The following ROR1 variants were observed in gnomAD, a reference collection of about 807,000 sequenced individuals.
ROR1 encodes inactive tyrosine-protein kinase transmembrane receptor ROR1.
ROR1 carries 19 observed loss-of-function variants against 78.8 expected under a neutral mutation model. The ratio of observed to expected loss-of-function variants is 0.24; its 90% CI spans 0.17 to 0.35. The LOEUF (loss-of-function observed/expected upper bound fraction) is 0.35. Ranked by LOEUF, ROR1 falls within the 10% of genes least tolerant of loss-of-function variation. ROR1 has a pLI of 1.00. For synonymous variants in ROR1, 386 were observed against 433.6 expected, an observed-to-expected ratio of 0.89 and a Z score of 1.36; for missense variants, 917 against 1,177.8, an observed-to-expected ratio of 0.78 and a Z score of 3.24.
intron 4 of ROR1, among the ~76,000 whole-genome samples, chr1:64,099,161 C>A (rs1311974016): frequency 6.6e-6 from 1 of 152,106 alleles, no homozygotes; most frequent in Non-Finnish European, 1.5e-5. Flanking sequence ...GGAGCCATAT[C>A]CTGCTCACAG....
intron 1 of ROR1, among the ~76,000 whole-genome samples, chr1:63,890,568 G>C (rs1485270960): frequency 3.9e-5 from 6 of 151,916 alleles, no homozygotes; most frequent in African/African-American, 7.3e-5. Flanking sequence ...AGTCATGCAG[G>C]AAAGAGTAAT....
chr1:64,178,820 G>A lies in ROR1; in HGVS notation c.2779G>A (p.Gly927Arg). 1 of 1,613,866 alleles carries A rather than the reference G, an allele frequency of 6.2e-7. No homozygotes were observed. Among genetic ancestry groups the A allele is most frequent in the Non-Finnish European group, 8.5e-7 (1 of 1,179,902 alleles). The change falls in exon 9 of 9, where the codon GGA (glycine) becomes AGA (arginine). Residue 927 changes from glycine to arginine, a missense_variant. Gly to Arg is a moderately radical substitution (Grantham distance 125). Transcript: ENST00000371079. The surrounding 1 kb of genome is among the most constrained non-coding windows in gnomAD (Gnocchi z 4.3). Reference protein sequence around the residue: ...ASLLGDANIHGHTESMISAEL With the variant: ...ASLLGDANIHRHTESMISAEL Reference sequence around the variant, plus strand: ...TTTACTAGGAGACGCCAATATTCATGGACACACCGAATCTATGATTTCTGC... The same window carrying A: ...TTTACTAGGAGACGCCAATATTCATAGACACACCGAATCTATGATTTCTGC...
chr1:63,983,825 G>A (rs1015551494), intron 1 of ROR1, among the ~76,000 whole-genome samples: 1 of 152,142 alleles, frequency 6.6e-6, no homozygotes, highest in Non-Finnish European at 1.5e-5. Flanking sequence ...GAATGATTTT[G>A]AGATAAGGTA....
At chr1:64,167,202 C>T (rs4423051) in intron 8 of ROR1, among the ~76,000 whole-genome samples, 36,899 of 151,986 alleles carry the variant, frequency 0.24, 4,953 homozygotes, top group Non-Finnish European at 0.31. Flanking sequence ...GTTATGAGCA[C>T]GTGATGGCTC....
chr1:63,989,873 C>T (rs1277649186), intron 1 of ROR1, among the ~76,000 whole-genome samples: 1 of 152,236 alleles, frequency 6.6e-6, no homozygotes, highest in Non-Finnish European at 1.5e-5. Context: ...GTCTCTCAAT[C>T]AGTTCAACAC....
chr1:64,114,961 T>C (rs1557659232), intron 4 of ROR1, among the ~76,000 whole-genome samples: 1 of 152,150 alleles, frequency 6.6e-6, no homozygotes, highest in African/African-American at 2.4e-5. Context: ...AAAAATAAGA[T>C]GGTTGTTTGT....
chr1:64,166,983 TG>T (rs546975248), intron 8 of ROR1, among the ~76,000 whole-genome samples: 3 of 152,252 alleles, frequency 2.0e-5, no homozygotes, highest in Non-Finnish European at 4.4e-5. Flanking sequence ...ATAGAATCTT[TG>T]TAATAACCCT....
chr1:63,874,242 T>G (rs1645269393), intron 1 of ROR1, among the ~76,000 whole-genome samples: 1 of 152,216 alleles, frequency 6.6e-6, no homozygotes, highest in African/African-American at 2.4e-5. Context: ...TTGGCATATT[T>G]TCAAAGTGTG....
chr1:64,055,532 A>G (rs1646866791), intron 4 of ROR1, among the ~76,000 whole-genome samples: 1 of 152,234 alleles, frequency 6.6e-6, no homozygotes, highest in Non-Finnish European at 1.5e-5. Context: ...GGGCCAGAAC[A>G]GTGCTGGTCA....
intron 4 of ROR1, among the ~76,000 whole-genome samples, chr1:64,051,353 G>T (rs1217641432): frequency 6.6e-6 from 1 of 151,912 alleles, no homozygotes; most frequent in Non-Finnish European, 1.5e-5. Flanking sequence ...GGGAGGCTGA[G>T]GCAGGAGAAT....
chr1:63,843,339 T>C, intron 1 of ROR1: 1 of 1,032,040 alleles, frequency 9.7e-7, no homozygotes, highest in East Asian at 2.5e-5. Flanking sequence ...GGAGCTGGCA[T>C]AGATCATTTT....
chr1:63,887,516 G>T (rs1645365277), intron 1 of ROR1, among the ~76,000 whole-genome samples: 1 of 152,096 alleles, frequency 6.6e-6, no homozygotes, highest in African/African-American at 2.4e-5. Flanking sequence ...ATTTCAGAAA[G>T]TTCCCTTGTG....
chr1:64,032,069 G>C (rs926301707), intron 2 of ROR1, among the ~76,000 whole-genome samples: 1 of 151,976 alleles, frequency 6.6e-6, no homozygotes, highest in Admixed American at 6.6e-5. Flanking sequence ...ATGGCCGGGC[G>C]CGGTGGCTCA....
At chr1:64,101,367 C>G (rs1324361) in intron 4 of ROR1, among the ~76,000 whole-genome samples, 57,709 of 151,914 alleles carry the variant, frequency 0.38, 12,599 homozygotes, top group Non-Finnish European at 0.51. Flanking sequence ...TTGATAAACA[C>G]TAAGTAATAA....
intron 1 of ROR1, among the ~76,000 whole-genome samples, chr1:63,941,002 A>G (rs1645834585): frequency 6.6e-6 from 1 of 152,212 alleles, no homozygotes; most frequent in Non-Finnish European, 1.5e-5. Context: ...TGAGTGAAGA[A>G]CATTCCACAT....
At chr1:64,156,755 C>T (rs1441109843) in intron 7 of ROR1, among the ~76,000 whole-genome samples, 1 of 149,328 alleles carries the variant, frequency 6.7e-6, no homozygotes, top group Non-Finnish European at 1.5e-5. Context: ...TCACATTTGG[C>T]AAAACTTCAG....
intron 4 of ROR1, among the ~76,000 whole-genome samples, chr1:64,114,560 T>C (rs1648241982): frequency 6.6e-6 from 1 of 152,110 alleles, no homozygotes; most frequent in African/African-American, 2.4e-5. Context: ...GAGACATGCT[T>C]AAGCATTTTT....
At chr1:63,891,670 T>C (rs776498405) in intron 1 of ROR1, among the ~76,000 whole-genome samples, 2 of 152,138 alleles carry the variant, frequency 1.3e-5, no homozygotes, top group Non-Finnish European at 2.9e-5. Context: ...GTATGCATCA[T>C]CCAATCTGCA....
intron 7 of ROR1, among the ~76,000 whole-genome samples, chr1:64,147,320 GTTAAA>G (rs569426250): frequency 1.9e-4 from 29 of 152,288 alleles, no homozygotes; most frequent in African/African-American, 7.0e-4. Context: ...TTAGATGAAA[GTTAAA>G]TATAGAGATG....
Sources: allele counts gnomAD v4.1 joint callset (sites outside exome capture counted in the v4.1 genomes callset), GRCh38; gene constraint gnomAD v4.1.1; non-coding constraint Gnocchi (gnomAD v3.1); transcripts MANE v1.5; gene names NCBI Gene and HGNC (gene_info 2026-07-23, HGNC 2026-07-21).